Variants in C1QTNF2 observed in about 807,000 individuals in gnomAD.
C1QTNF2 encodes the protein C1q and TNF related 2, also known as complement C1q tumor necrosis factor-related protein 2.
A neutral mutation model predicts 17.4 loss-of-function variants in C1QTNF2; 15 were observed. The observed-to-expected ratio is 0.86, with a 90% CI of 0.58 to 1.33. The LOEUF is 1.33. C1QTNF2 is among the 40% of genes most tolerant of loss of function. The pLI is 0.00. For synonymous variants in C1QTNF2, 154 were observed against 163.3 expected (o/e 0.94, Z 0.44); for missense variants, 381 against 392.3 (o/e 0.97, Z 0.24).
intron 1 of C1QTNF2, among the ~76,000 whole-genome samples, chr5:160,367,328 G>A (rs1290030494): frequency 6.6e-6 from 1 of 152,230 alleles, no homozygotes; most frequent in African/African-American, 2.4e-5. Flanking sequence ...AGGTCAACAG[G>A]TAGCTGCCCC....
chr5:160,350,637 G>C (rs72814349), intron 2 of C1QTNF2, among the ~76,000 whole-genome samples: 1 of 152,038 alleles, frequency 6.6e-6, no homozygotes, highest in Non-Finnish European at 1.5e-5. Context: ...ACGAGTTCCA[G>C]GTTACAGTGA....
Position 160,349,584 on chromosome 5 carries a change from T to A in C1QTNF2, c.442A>T (p.Thr148Ser). Residue 148 changes from threonine to serine, a missense_variant, in exon 3 of 3, where the codon ACC becomes TCC. Physicochemically the swap from Thr to Ser is moderately conservative, Grantham distance 58. Coordinates refer to ENST00000652664, the MANE Select transcript of C1QTNF2 (RefSeq NM_031908.6). This position sits in a 1 kb window ranked among gnomAD's most constrained non-coding sequence, Gnocchi z 4.3. ...PGPCSCGSGH[T>S]KSAFSVAVTK... is the part of the protein sequence containing the mutation. The stretch of plus-strand genomic sequence containing the variant: ...ACTGCCACCGAGAAAGCTGACTTGG[T>A]ATGGCCACTGCCACAGCTGCAGGGG... 1 of 1,613,372 alleles carries A rather than the reference T, an allele frequency of 6.2e-7. No homozygotes were observed. The highest frequency in any genetic ancestry group is 2.2e-5 in the East Asian group (1 of 44,816).
intron 1 of C1QTNF2, among the ~76,000 whole-genome samples, chr5:160,360,230 T>C (rs903003356): frequency 7.2e-5 from 11 of 152,324 alleles, no homozygotes; most frequent in South Asian, 2.1e-4. Context: ...TCCACTAAAA[T>C]GTAAGCTCCA....
intron 1 of C1QTNF2, among the ~76,000 whole-genome samples, chr5:160,367,620 A>G (rs1340642232): frequency 1.3e-5 from 2 of 152,136 alleles, no homozygotes; most frequent in African/African-American, 4.8e-5. Context: ...AGAAACCAAC[A>G]CTGCAGATAC....
rs536757467 is a variant in C1QTNF2, at chr5:160,358,775, G to A, written c.-9-3755C>T. Among the ~76,000 whole-genome samples the A allele has an allele frequency of 3.9e-5, 6 of 152,016 alleles. No individual in the cohort carries two copies. In the East Asian group the frequency reaches 9.7e-4, roughly 25 times the overall value. The stretch of plus-strand genomic sequence containing the variant: ...ACGCACCTACAATGTTCCAGGCACT[G>A]TGTGAAGCCCTGTATCTACATTGCT... On this transcript the variant is annotated intron_variant, in intron 1 of 2. Coordinates refer to ENST00000652664, the MANE Select transcript of C1QTNF2 (RefSeq NM_031908.6).
rs964806669 is a variant in C1QTNF2 at position 160,348,130 on chromosome 5, G to A, written c.*1038C>T. The A allele has an allele frequency of 6.6e-6, 1 of 152,246 alleles. No individual in the cohort carries two copies. The highest frequency in any genetic ancestry group is 1.5e-5 in the Non-Finnish European group (1 of 68,054). 9.4% of individuals were successfully genotyped at this position (152,246 alleles called of 1,614,324 possible). ...TACTGGCAACACCTGTGCTTGGGGT[G>A]CGATTCATTTGCGTGGGATCCATTC... On this transcript the variant is annotated 3_prime_UTR_variant, in exon 3 of 3. Coordinates refer to ENST00000652664, the MANE Select transcript of C1QTNF2 (RefSeq NM_031908.6).
chr5:160,367,260 T>C (rs1388379387), intron 1 of C1QTNF2, among the ~76,000 whole-genome samples: 2 of 152,100 alleles, frequency 1.3e-5, no homozygotes, highest in African/African-American at 4.8e-5. Flanking sequence ...AACATCGACG[T>C]TTGCAGCTTT....
intron 1 of C1QTNF2, among the ~76,000 whole-genome samples, chr5:160,364,239 T>C (rs973725398): frequency 7.2e-5 from 11 of 152,336 alleles, no homozygotes; most frequent in Admixed American, 2.0e-4. Flanking sequence ...AAGTCTCCAA[T>C]AGCCGCATGG....
Position 160,349,815 on chromosome 5 carries a change from C to A in C1QTNF2, c.245-34G>T. 6.6e-7 allele frequency: 1 copy of A among 1,507,884 alleles called. No individual in the cohort carries two copies. Among genetic ancestry groups the A allele is most frequent in the South Asian group, 1.3e-5 (1 of 75,146 alleles). The allele number at this position is 1,507,884 out of a possible 1,614,324, so 93.4% of individuals were successfully genotyped here. On this transcript the variant is annotated intron_variant, in intron 2 of 2. Transcript: ENST00000652664. This position sits in a 1 kb window ranked among gnomAD's most constrained non-coding sequence, Gnocchi z 4.3. ...CAGAGCAGCTGGTGTTATGGAGGGT[C>A]CTCACAGACCTAGGCAGAGGGGTGC...
rs762662420 is a variant in C1QTNF2 at position 160,354,942 on chromosome 5, G to A, written c.70C>T (p.Arg24Cys). The A allele has an allele frequency of 3.9e-5, 63 of 1,596,006 alleles. No individual in the cohort carries two copies. The highest frequency in any genetic ancestry group is 1.4e-4 in the East Asian group (6 of 44,278). ...GGGGAGCCTTTCCGGAAGTCCCTGC[G>A]AGCAAAGGCGCCAAGCAGTGGGTCA... ...AADPLLGAFARRDFRKGSPQL... is the reference protein window; with the variant it reads ...AADPLLGAFACRDFRKGSPQL... Residue 24 changes from arginine to cysteine, a missense_variant, in exon 2 of 3, where the codon CGC (arginine) becomes TGC (cysteine). By Grantham distance (180) the Arg-to-Cys change is radical (BLOSUM62 -3). Coordinates refer to ENST00000652664, the MANE Select transcript of C1QTNF2 (RefSeq NM_031908.6).
intron 1 of C1QTNF2, among the ~76,000 whole-genome samples, chr5:160,368,405 G>T (rs570944398): frequency 1.3e-5 from 2 of 151,802 alleles, no homozygotes; most frequent in Non-Finnish European, 2.9e-5. Context: ...GGTGGTGTGC[G>T]CCTGTAGTCC....
intron 2 of C1QTNF2, among the ~76,000 whole-genome samples, chr5:160,352,470 A>T (rs976754545): frequency 6.6e-6 from 1 of 152,186 alleles, no homozygotes; most frequent in African/African-American, 2.4e-5. Flanking sequence ...CTCTCCCAAC[A>T]CTGCCTTCCT....
chr5:160,368,447 G>C (rs1434887497), intron 1 of C1QTNF2, among the ~76,000 whole-genome samples: 1 of 151,156 alleles, frequency 6.6e-6, no homozygotes, highest in East Asian at 1.9e-4. Flanking sequence ...CAGAAGAATT[G>C]CTTGAACCCA....
In C1QTNF2 at chr5:160,355,002, A is replaced by G. The variant is rs1465338700; in HGVS notation, c.10T>C (p.Trp4Arg). ...GGGAGGGCACAGGCCAGGAGCACCC[A>G]GGGGATCATGGTGGTTACCTGTGGG... MIP[W>R]VLLACALPCA... is the part of the protein sequence containing the mutation. The change falls in exon 2 of 3, where the codon TGG becomes CGG. Residue 4 changes from tryptophan to arginine, a missense_variant. Coordinates refer to ENST00000652664, the MANE Select transcript of C1QTNF2 (RefSeq NM_031908.6). 5 of 1,573,742 alleles carry G rather than the reference A, an allele frequency of 3.2e-6. No individual in the cohort carries two copies. The highest frequency in any genetic ancestry group is 4.3e-6 in the Non-Finnish European group (5 of 1,161,302).
At chr5:160,359,308 C>T (rs566198578) in intron 1 of C1QTNF2, among the ~76,000 whole-genome samples, 3 of 151,526 alleles carry the variant, frequency 2.0e-5, no homozygotes, top group African/African-American at 7.3e-5. Context: ...ATTTTCCCCC[C>T]ATTTTATAAA....
Position 160,349,771 on chromosome 5 carries a change from GC to G in C1QTNF2, c.254del (p.Gly85AlafsTer72), listed in dbSNP as rs1297016202. ...CTGGCTTTCCCCGGTTACCTGTCCG[GC>G]CAGGTGGACCTGGAAGACAGAGCAG... The part of the protein sequence containing the change: ...RGDSGEEGPP[G>X]RTGNRGKPGP... On this transcript the variant is annotated frameshift_variant, in exon 3 of 3. Transcript: ENST00000652664. LOFTEE classifies it high-confidence loss of function. This position sits in a 1 kb window ranked among gnomAD's most constrained non-coding sequence, Gnocchi z 4.3. 1.3e-6 allele frequency: 2 copies of G among 1,523,122 alleles called. No individual in the cohort carries two copies. Among genetic ancestry groups the G allele is most frequent in the Non-Finnish European group, 1.7e-6 (2 of 1,146,052 alleles). 94.4% of individuals were successfully genotyped at this position (1,523,122 alleles called of 1,614,324 possible).
intron 1 of C1QTNF2, among the ~76,000 whole-genome samples, chr5:160,361,982 C>A (rs989961809): frequency 6.6e-6 from 1 of 152,228 alleles, no homozygotes; most frequent in Admixed American, 6.5e-5. Flanking sequence ...ATGGGCCCTG[C>A]ATGTTGCTCT....
chr5:160,362,147 T>A (rs1050694287), intron 1 of C1QTNF2, among the ~76,000 whole-genome samples: 41 of 152,124 alleles, frequency 2.7e-4, no homozygotes, highest in Non-Finnish European at 5.4e-4. Context: ...TTTGACATGA[T>A]TAGAGGCTAT....
chr5:160,360,128 G>A (rs1764126641), intron 1 of C1QTNF2, among the ~76,000 whole-genome samples: 1 of 152,188 alleles, frequency 6.6e-6, no homozygotes, highest in Admixed American at 6.5e-5. Flanking sequence ...CCCGCTTTCT[G>A]CAAGCTCCCT....
Sources: allele counts gnomAD v4.1 joint callset (sites outside exome capture counted in the v4.1 genomes callset), GRCh38; gene constraint gnomAD v4.1.1; non-coding constraint Gnocchi (gnomAD v3.1); transcripts MANE v1.5; gene names NCBI Gene and HGNC (gene_info 2026-07-23, HGNC 2026-07-21).